KCNIP1: variants seen among roughly 807,000 people sequenced by gnomAD.
KCNIP1 encodes the protein A-type potassium channel modulatory protein KCNIP1.
In KCNIP1, 18 loss-of-function variants were observed where a neutral mutation model predicts 33.0. The observed-to-expected ratio is 0.55, with a 90% CI of 0.38 to 0.81. The LOEUF is 0.81. KCNIP1 is among the 30% of genes least tolerant of loss of function. KCNIP1 has a pLI of 0.00. For synonymous variants in KCNIP1, 93 were observed against 98.3 expected, an observed-to-expected ratio of 0.95 and a Z score of 0.32; for missense variants, 238 against 271.6, an observed-to-expected ratio of 0.88 and a Z score of 0.87.
chr5:170,481,671 C>A (rs1204846822), intron 1 of KCNIP1, among the ~76,000 whole-genome samples: 1 of 152,104 alleles, frequency 6.6e-6, no homozygotes, highest in African/African-American at 2.4e-5. Flanking sequence ...CTTGGTCACT[C>A]AATTGAAGGG....
At chr5:170,727,545 T>G (rs1276453489) in intron 5 of KCNIP1, among the ~76,000 whole-genome samples, 1 of 152,146 alleles carries the variant, frequency 6.6e-6, no homozygotes, top group Non-Finnish European at 1.5e-5. Context: ...AAAAATGTGT[T>G]GAAGGAAAAA....
chr5:170,429,254 G>GCC (rs1755687342), intron 1 of KCNIP1, among the ~76,000 whole-genome samples: 5 of 152,112 alleles, frequency 3.3e-5, no homozygotes, highest in Non-Finnish European at 7.4e-5. Context: ...GACTGGGCAT[G>GCC]CCGTTGTCTC....
At chr5:170,689,254 G>A (rs1762640200) in intron 1 of KCNIP1, among the ~76,000 whole-genome samples, 1 of 152,192 alleles carries the variant, frequency 6.6e-6, no homozygotes, top group Non-Finnish European at 1.5e-5. Context: ...GAGATACAAA[G>A]ATGCATGAGA....
chr5:170,417,545 C>A (rs1755362517), intron 1 of KCNIP1, among the ~76,000 whole-genome samples: 1 of 152,210 alleles, frequency 6.6e-6, no homozygotes, highest in Non-Finnish European at 1.5e-5. Flanking sequence ...CTGCGTGAGG[C>A]CACCTTGGCA....
chr5:170,599,377 G>A (rs1347243438), intron 1 of KCNIP1, among the ~76,000 whole-genome samples: 4 of 152,208 alleles, frequency 2.6e-5, no homozygotes, highest in Admixed American at 6.5e-5. Context: ...CCGAGGAATC[G>A]CGTGCAATGT....
At chr5:170,467,917 C>CAAAAAAAAAAAAAAAAAAAAAAAAAAAA (rs55671124) in intron 1 of KCNIP1, among the ~76,000 whole-genome samples, 1 of 41,952 alleles carries the variant, frequency 2.4e-5, no homozygotes, top group Non-Finnish European at 5.0e-5. Flanking sequence ...GATTCCATCT[C>CAAAAAAAAAAAAAAAAAAAAAAAAAAAA]AAAAAAAAAA....
intron 1 of KCNIP1, among the ~76,000 whole-genome samples, chr5:170,463,025 C>T (rs1420866216): frequency 6.6e-6 from 1 of 152,080 alleles, no homozygotes; most frequent in Admixed American, 6.6e-5. Flanking sequence ...GCAGTATATA[C>T]TGCTCGGGTG....
At chr5:170,624,693 G>A (rs1383435754) in intron 1 of KCNIP1, among the ~76,000 whole-genome samples, 4 of 141,576 alleles carry the variant, frequency 2.8e-5, no homozygotes, top group South Asian at 2.5e-4. Flanking sequence ...GGGGAGGAGA[G>A]GAGAGGGGAG....
At chr5:170,477,646 G>A (rs1263167097) in intron 1 of KCNIP1, among the ~76,000 whole-genome samples, 3 of 152,228 alleles carry the variant, frequency 2.0e-5, no homozygotes, top group Admixed American at 6.5e-5. Flanking sequence ...GTTTCACCGT[G>A]TGGGCCAGGC....
intron 5 of KCNIP1, 121 bp from the exon 6 acceptor site, chr5:170,732,679 A>G: frequency 1.5e-6 from 1 of 650,852 alleles, no homozygotes; most frequent in Non-Finnish European, 2.8e-6. Flanking sequence ...CCTGCTAAAG[A>G]AGGACCTCAC....
chr5:170,675,602 A>G (rs1176144611), intron 1 of KCNIP1, among the ~76,000 whole-genome samples: 2 of 152,226 alleles, frequency 1.3e-5, no homozygotes, highest in Non-Finnish European at 2.9e-5. Flanking sequence ...GCCTGGCAAC[A>G]GAGCAAGCCC....
intron 1 of KCNIP1, among the ~76,000 whole-genome samples, chr5:170,682,534 AC>A (rs1372971831): frequency 6.6e-6 from 1 of 152,114 alleles, no homozygotes; most frequent in Non-Finnish European, 1.5e-5. Context: ...CATTCGGAAA[AC>A]TTTTTCTTCC....
At chr5:170,548,159 A>G (rs1047119031) in intron 1 of KCNIP1, among the ~76,000 whole-genome samples, 1 of 152,162 alleles carries the variant, frequency 6.6e-6, no homozygotes, top group Non-Finnish European at 1.5e-5. Flanking sequence ...GATGCTCTAT[A>G]TGGTTATTTT....
At chr5:170,636,940 C>T (rs1760308100) in intron 1 of KCNIP1, among the ~76,000 whole-genome samples, 3 of 152,122 alleles carry the variant, frequency 2.0e-5, no homozygotes, top group Admixed American at 2.0e-4. Flanking sequence ...GCCAGGCCTG[C>T]AAACCAGGCT....
intron 1 of KCNIP1, among the ~76,000 whole-genome samples, chr5:170,630,484 C>T (rs1188989870): frequency 6.6e-6 from 1 of 152,152 alleles, no homozygotes; most frequent in African/African-American, 2.4e-5. Flanking sequence ...AGTAGGGGGT[C>T]GAGTGTGTCG....
intron 5 of KCNIP1, among the ~76,000 whole-genome samples, chr5:170,726,745 C>CAAAAAAAACAAAAAAA (rs1764019969): frequency 1.8e-5 from 1 of 56,684 alleles, no homozygotes; most frequent in East Asian, 4.7e-4. Context: ...ACTAAAAATA[C>CAAAAAAAACAAAAAAA]AAAAAAAAAA....
At chr5:170,396,240 C>T (rs1463608320) in intron 1 of KCNIP1, among the ~76,000 whole-genome samples, 2 of 152,198 alleles carry the variant, frequency 1.3e-5, no homozygotes, top group Non-Finnish European at 2.9e-5. Flanking sequence ...GGGAAGGGAG[C>T]TCTGTCCAGG....
intron 1 of KCNIP1, among the ~76,000 whole-genome samples, chr5:170,386,901 A>G (rs1020105774): frequency 2.0e-5 from 3 of 151,794 alleles, no homozygotes; most frequent in South Asian, 2.1e-4. Flanking sequence ...CTCCACCCCA[A>G]TGCAAGCAAA....
chr5:170,672,861 A>T (rs1459003236), intron 1 of KCNIP1, among the ~76,000 whole-genome samples: 1 of 152,244 alleles, frequency 6.6e-6, no homozygotes, highest in African/African-American at 2.4e-5. Context: ...TGCCTAGGCA[A>T]TAGGTTTTAG....
Sources: allele counts gnomAD v4.1 joint callset (sites outside exome capture counted in the v4.1 genomes callset), GRCh38; gene constraint gnomAD v4.1.1; transcripts MANE v1.5; gene names NCBI Gene and HGNC (gene_info 2026-07-23, HGNC 2026-07-21).